The following GSDME variants were observed in gnomAD, a reference collection of about 807,000 sequenced individuals.
GSDME encodes gasdermin E.
A neutral mutation model predicts 47.5 loss-of-function variants in GSDME; 44 were observed. The ratio of observed to expected loss-of-function variants is 0.93; its 90% CI spans 0.73 to 1.19. The LOEUF (loss-of-function observed/expected upper bound fraction) is 1.19, where lower values mean the gene tolerates loss of function less well. Ranked by LOEUF, GSDME falls within the 50% of genes most tolerant of loss-of-function variation. The pLI is 0.00. For missense variants in GSDME, 663 were observed against 604.2 expected, an observed-to-expected ratio of 1.10 and a Z score of -1.02; for synonymous variants, 258 against 252.8, an observed-to-expected ratio of 1.02 and a Z score of -0.20.
chr7:24,706,406 ACACAGCTGGAGACCAAGCGC>A lies in GSDME; in HGVS notation c.991-50_991-31del. ...AGGGCAGGGAAGAAGAAGGGTCATG[ACACAGCTGGAGACCAAGCGC>A]CACAGCTGGGGCCTCCGCTCACAGT... On this transcript the variant is annotated intron_variant, in intron 7 of 9. Coordinates refer to ENST00000645220, the MANE Select transcript of GSDME (RefSeq NM_001127453.2). The A allele has an allele frequency of 2.5e-6, 4 of 1,603,768 alleles. No homozygotes were observed. In the South Asian group the frequency reaches 3.3e-5, roughly 13 times the overall value.
At chr7:24,793,127 T>C in the GSDME span, among the ~76,000 whole-genome samples, 17 of 152,324 alleles carry the variant, frequency 1.1e-4, no homozygotes, top group Middle Eastern at 3.4e-3. Flanking sequence ...ATAAGCTAAA[T>C]TTCACCTTTA....
upstream of GSDME, among the ~76,000 whole-genome samples, chr7:24,761,630 T>G (rs1791167300): frequency 6.6e-6 from 1 of 152,216 alleles, no homozygotes; most frequent in South Asian, 2.1e-4. The surrounding 1 kb of genome is among the most constrained non-coding windows in gnomAD (Gnocchi z 4.4). Flanking sequence ...TAGCATCTCA[T>G]GTCTAGTGCA....
chr7:24,784,626 C>CTTTTT, the GSDME span, among the ~76,000 whole-genome samples: 14 of 124,310 alleles, frequency 1.1e-4, no homozygotes, highest in African/African-American at 2.8e-4. Context: ...TTTCTTCTTC[C>CTTTTT]TTTTTTTTTT....
At chr7:24,723,717 T>C (rs1222854757) in intron 3 of GSDME, among the ~76,000 whole-genome samples, 10 of 152,364 alleles carry the variant, frequency 6.6e-5, no homozygotes, top group African/African-American at 2.2e-4. Flanking sequence ...CCATAGCTGC[T>C]GTCTCCCTCT....
the GSDME span, among the ~76,000 whole-genome samples, chr7:24,771,765 C>T: frequency 2.6e-5 from 4 of 152,160 alleles, no homozygotes; most frequent in Admixed American, 2.0e-4. The surrounding 1 kb of genome is among the most constrained non-coding windows in gnomAD (Gnocchi z 4.1). Flanking sequence ...CAAAACTGCT[C>T]CCGTACCTGC....
chr7:24,747,488 A>C (rs1050736927), intron 2 of GSDME, among the ~76,000 whole-genome samples: 5 of 152,238 alleles, frequency 3.3e-5, no homozygotes, highest in Admixed American at 1.3e-4. Flanking sequence ...TTAAGAGCTG[A>C]AGATATTTTC....
chr7:24,715,139 A>G (rs1789500925), intron 5 of GSDME, among the ~76,000 whole-genome samples: 1 of 152,208 alleles, frequency 6.6e-6, no homozygotes, highest in South Asian at 2.1e-4. Flanking sequence ...GGTCTTCCTT[A>G]TACATGGAAC....
In GSDME at chr7:24,714,047, C is replaced by T. The variant is rs544302760; in HGVS notation, c.697+3207G>A. Among the ~76,000 whole-genome samples, 115 of 152,332 alleles carry T rather than the reference C, an allele frequency of 7.5e-4. No homozygotes were observed. The highest frequency in any genetic ancestry group is 2.6e-3 in the African/African-American group (110 of 41,574). ...AGGTGCAGCGTGGGAAACAGGTTCA[C>T]GCCCACAAGGCATCCAACTGGAAGT... On this transcript the variant is annotated intron_variant, in intron 5 of 9. Coordinates refer to ENST00000645220, the MANE Select transcript of GSDME (RefSeq NM_001127453.2). The surrounding 1 kb of genome is among the most constrained non-coding windows in gnomAD (Gnocchi z 5.0).
the GSDME span, among the ~76,000 whole-genome samples, chr7:24,770,431 T>C: frequency 6.6e-6 from 1 of 152,178 alleles, no homozygotes; most frequent in Non-Finnish European, 1.5e-5. The surrounding 1 kb of genome is among the most constrained non-coding windows in gnomAD (Gnocchi z 4.6). Flanking sequence ...TTCCAGAGAA[T>C]TATTGAACCT....
At chr7:24,752,321 G>A (rs1479418355) in intron 1 of GSDME, among the ~76,000 whole-genome samples, 4 of 152,196 alleles carry the variant, frequency 2.6e-5, no homozygotes, top group African/African-American at 9.7e-5. Flanking sequence ...ACAAAGCTGG[G>A]GAGGCCCCCA....
chr7:24,711,390 A>G (rs950289947), intron 5 of GSDME, among the ~76,000 whole-genome samples: 9 of 151,974 alleles, frequency 5.9e-5, no homozygotes, highest in Admixed American at 5.9e-4. Flanking sequence ...ACACCTGGCT[A>G]ATTTTTGTAT....
the GSDME span, among the ~76,000 whole-genome samples, chr7:24,774,510 TA>T: frequency 1.3e-5 from 2 of 151,592 alleles, no homozygotes; most frequent in South Asian, 2.1e-4. Context: ...CTTCCTTTTT[TA>T]AAAAAAATTT....
intron 3 of GSDME, among the ~76,000 whole-genome samples, chr7:24,731,604 C>T (rs1790147782): frequency 6.6e-6 from 1 of 152,252 alleles, no homozygotes; most frequent in Non-Finnish European, 1.5e-5. Context: ...TGGCGCTTGC[C>T]AGATTTGCTA....
chr7:24,771,824 G>A, the GSDME span, among the ~76,000 whole-genome samples: 1 of 152,170 alleles, frequency 6.6e-6, no homozygotes, highest in African/African-American at 2.4e-5. The surrounding 1 kb of genome is among the most constrained non-coding windows in gnomAD (Gnocchi z 4.1). Flanking sequence ...GAGGAAGGGA[G>A]GCAAGGGACA....
In GSDME at chr7:24,742,950, G is replaced by C. The variant is rs1790536965; in HGVS notation, c.404+1612C>G. Among the ~76,000 whole-genome samples the C allele has an allele frequency of 6.6e-6, 1 of 152,214 alleles. No individual in the cohort carries two copies. ...AAAGATCATGACTGCCAGAGACAGA[G>C]GCAGCTGTCCCTTCTACCTGGTGCT... On this transcript the variant is annotated intron_variant, in intron 3 of 9. Transcript: ENST00000645220. The surrounding 1 kb of genome is among the most constrained non-coding windows in gnomAD (Gnocchi z 4.4).
At chr7:24,730,746 C>CCA (rs1790117240) in intron 3 of GSDME, among the ~76,000 whole-genome samples, 1 of 152,088 alleles carries the variant, frequency 6.6e-6, no homozygotes, top group Non-Finnish European at 1.5e-5. Context: ...ACCCAGGAAG[C>CCA]GGAGGTTGCA....
At chr7:24,707,798 G>A (rs999022384) in intron 7 of GSDME, 2 of 515,664 alleles carry the variant, frequency 3.9e-6, no homozygotes, top group Non-Finnish European at 6.8e-6. Context: ...AGACAAGGCA[G>A]CAGAATTCTC....
intron 1 of GSDME, among the ~76,000 whole-genome samples, chr7:24,753,117 A>C (rs972616089): frequency 6.6e-6 from 1 of 152,130 alleles, no homozygotes; most frequent in Non-Finnish European, 1.5e-5. Context: ...CTTTTTAATC[A>C]TGGGACTCAG....
intron 5 of GSDME, among the ~76,000 whole-genome samples, chr7:24,711,602 C>T (rs1462591349): frequency 6.6e-6 from 1 of 152,030 alleles, no homozygotes; most frequent in Non-Finnish European, 1.5e-5. Flanking sequence ...AGGCAGATTG[C>T]TTGAGCCCAG....
Sources: allele counts gnomAD v4.1 joint callset (sites outside exome capture counted in the v4.1 genomes callset), GRCh38; gene constraint gnomAD v4.1.1; non-coding constraint Gnocchi (gnomAD v3.1); transcripts MANE v1.5; gene names NCBI Gene and HGNC (gene_info 2026-07-23, HGNC 2026-07-21).